TRIO: variants seen among roughly 807,000 people sequenced by gnomAD.
TRIO encodes the protein triple functional domain protein.
TRIO carries 58 observed loss-of-function variants against 351.9 expected under a neutral mutation model. That is an observed-to-expected ratio of 0.16 (90% CI 0.13 to 0.21). TRIO has a LOEUF of 0.21. Among genes scored for constraint, TRIO ranks in the 10% least tolerant of loss-of-function variants. The pLI is 1.00. For synonymous variants in TRIO, 1,758 were observed against 1,595.7 expected, an observed-to-expected ratio of 1.10 and a Z score of -2.42; for missense variants, 3,201 against 4,027.8, an observed-to-expected ratio of 0.79 and a Z score of 5.56.
chr5:14,390,881 T>A lies in TRIO; in HGVS notation c.4129-20T>A, dbSNP rs78797841. ...GACTTGTTATGATTTAAATGAGATCTTTTTTTTTTTGGCTTACAGGCAGAC... is the reference window on the plus strand; with the variant it reads ...GACTTGTTATGATTTAAATGAGATCATTTTTTTTTTGGCTTACAGGCAGAC... On this transcript the variant is annotated intron_variant, in intron 26 of 56. Coordinates refer to ENST00000344204, the MANE Select transcript of TRIO (RefSeq NM_007118.4). 8.1e-6 allele frequency: 4 copies of A among 493,804 alleles called. No homozygotes were observed. Among genetic ancestry groups the A allele is most frequent in the Non-Finnish European group, 1.2e-5 (4 of 343,262 alleles). The allele number at this position is 493,804 out of a possible 1,614,324, so 30.6% of individuals were successfully genotyped here.
At chr5:14,182,006 AAAT>A (rs1421444265) in intron 1 of TRIO, among the ~76,000 whole-genome samples, 1 of 152,136 alleles carries the variant, frequency 6.6e-6, no homozygotes, top group Non-Finnish European at 1.5e-5. Context: ...TGTATTTAAG[AAAT>A]TAATATTTTG....
At chr5:14,183,314 A>G (rs1789906061) in intron 1 of TRIO, among the ~76,000 whole-genome samples, 1 of 152,066 alleles carries the variant, frequency 6.6e-6, no homozygotes, top group South Asian at 2.1e-4. Context: ...CTCCATCAGC[A>G]AGATTGTGAT....
intron 20 of TRIO, among the ~76,000 whole-genome samples, chr5:14,380,318 T>C (rs1272576653): frequency 8.2e-6 from 1 of 122,676 alleles, no homozygotes; most frequent in South Asian, 2.3e-4. Flanking sequence ...GCCTCCTCCT[T>C]CGCGCCCCGC....
intron 36 of TRIO, 36 bp downstream of exon 36, chr5:14,462,961 C>A (rs1389889287): frequency 6.5e-7 from 1 of 1,529,524 alleles, no homozygotes; most frequent in Non-Finnish European, 8.8e-7. Flanking sequence ...TCCATGCCTG[C>A]CGTGCAGGGG....
chr5:14,344,699 G>T (rs781036161), intron 11 of TRIO, among the ~76,000 whole-genome samples: 1 of 152,126 alleles, frequency 6.6e-6, no homozygotes, highest in Non-Finnish European at 1.5e-5. Context: ...GTATAATGTT[G>T]TCTCTACCTC....
At chr5:14,460,074 C>G (rs956057778) in intron 34 of TRIO, among the ~76,000 whole-genome samples, 1 of 152,098 alleles carries the variant, frequency 6.6e-6, no homozygotes, top group Non-Finnish European at 1.5e-5. Context: ...CACCACCACA[C>G]CCGGCTAATT....
intron 39 of TRIO, among the ~76,000 whole-genome samples, chr5:14,472,926 G>A (rs1754791288): frequency 1.3e-5 from 2 of 152,038 alleles, no homozygotes; most frequent in Non-Finnish European, 2.9e-5. Context: ...TAAATAATTT[G>A]ATATTATTAT....
chr5:14,254,193 C>G (rs1300566518), intron 1 of TRIO, among the ~76,000 whole-genome samples: 4 of 151,772 alleles, frequency 2.6e-5, no homozygotes, highest in African/African-American at 4.8e-5. Context: ...TCCCCCCCTC[C>G]CCCCGCCTGA....
chr5:14,296,898 A>G (rs558944954), intron 6 of TRIO, among the ~76,000 whole-genome samples, 174 bp from the exon 7 acceptor site: 2 of 152,350 alleles, frequency 1.3e-5, no homozygotes, highest in East Asian at 3.9e-4. Flanking sequence ...CTTCAAGTTT[A>G]TGGAAATCTA....
At chr5:14,358,035 C>A in intron 11 of TRIO, 143 bp from the exon 12 acceptor site, 1 of 1,002,222 alleles carries the variant, frequency 1.0e-6, no homozygotes, top group Non-Finnish European at 1.4e-6. Flanking sequence ...GTCCTTCCTT[C>A]CTTCCCTCCG....
At chr5:14,218,097 AG>A (rs1384581783) in intron 1 of TRIO, among the ~76,000 whole-genome samples, 1 of 152,224 alleles carries the variant, frequency 6.6e-6, no homozygotes, top group African/African-American at 2.4e-5. Flanking sequence ...TTCCCAAAAC[AG>A]GTTGGATTTT....
chr5:14,236,522 A>G (rs991120537), intron 1 of TRIO, among the ~76,000 whole-genome samples: 2 of 152,202 alleles, frequency 1.3e-5, no homozygotes, highest in Non-Finnish European at 2.9e-5. Context: ...TTACCATTTT[A>G]GTTACTATTG....
chr5:14,312,242 G>C (rs970789081), intron 8 of TRIO, among the ~76,000 whole-genome samples: 1 of 152,190 alleles, frequency 6.6e-6, no homozygotes, highest in African/African-American at 2.4e-5. Context: ...TCTATGTGCA[G>C]TTCTGATGAA....
chr5:14,255,642 G>A (rs979504211), intron 1 of TRIO, among the ~76,000 whole-genome samples: 36 of 152,172 alleles, frequency 2.4e-4, no homozygotes, highest in African/African-American at 7.7e-4. Context: ...GAGACATCTC[G>A]AGGATGAGAC....
At chr5:14,437,088 CTCTT>C (rs983757591) in intron 34 of TRIO, among the ~76,000 whole-genome samples, 8 of 152,166 alleles carry the variant, frequency 5.3e-5, no homozygotes, top group African/African-American at 1.9e-4. Context: ...CATTTGTAAC[CTCTT>C]TCTTTGATAG....
intron 34 of TRIO, among the ~76,000 whole-genome samples, chr5:14,455,715 G>T (rs1295226292): frequency 2.0e-5 from 3 of 152,126 alleles, no homozygotes; most frequent in Admixed American, 1.3e-4. Flanking sequence ...GTGCTGATTG[G>T]TGCATCCATG....
intron 1 of TRIO, among the ~76,000 whole-genome samples, chr5:14,190,077 A>AGCTGGTTTGCACAGGAG (rs1790366250): frequency 1.3e-5 from 2 of 152,110 alleles, no homozygotes; most frequent in Admixed American, 1.3e-4. Context: ...TAGTCAACAG[A>AGCTGGTTTGCACAGGAG]GCTGGTTTGC....
intron 48 of TRIO, among the ~76,000 whole-genome samples, chr5:14,491,530 A>T (rs1278551609): frequency 1.3e-5 from 2 of 152,176 alleles, no homozygotes; most frequent in Non-Finnish European, 1.5e-5. Flanking sequence ...GGGGATCTGC[A>T]TTTCTTCTCC....
At chr5:14,154,687 A>G (rs897548451) in intron 1 of TRIO, among the ~76,000 whole-genome samples, 5 of 152,134 alleles carry the variant, frequency 3.3e-5, no homozygotes, top group African/African-American at 2.4e-5. Context: ...TTCGAGCATC[A>G]TTTCCACACT....
Sources: gnomAD v4.1 joint callset for allele counts (sites outside exome capture counted in the v4.1 genomes callset) on GRCh38, gnomAD v4.1.1 for gene constraint, MANE v1.5 for transcripts, NCBI Gene and HGNC (gene_info 2026-07-23, HGNC 2026-07-21) for gene names.